Variants in ZNF676 observed in about 807,000 individuals in gnomAD.
ZNF676 encodes zinc finger protein 676.
Under a neutral mutation model 6.0 loss-of-function variants are expected in ZNF676, and 4 were observed. The ratio of observed to expected loss-of-function variants is 0.67; its 90% CI spans 0.33 to 1.53. The LOEUF is 1.53. Among genes scored for constraint, ZNF676 ranks in the 40% most tolerant of loss-of-function variants. The probability of loss-of-function intolerance (pLI) is 0.06; values close to 1 mark genes in which losing one functional copy is unlikely to be tolerated. For missense variants in ZNF676, 644 were observed against 679.7 expected (o/e 0.95, Z 0.58); for synonymous variants, 198 against 223.1 (o/e 0.89, Z 1.00).
chr19:22,194,556 G>A (rs189946934), intron 1 of ZNF676, among the ~76,000 whole-genome samples: 2 of 152,126 alleles, frequency 1.3e-5, no homozygotes, highest in Non-Finnish European at 2.9e-5. Context: ...AAAAAGGAAT[G>A]CCACCAGATC....
At chr19:22,232,565 TC>T in the ZNF676 span, among the ~76,000 whole-genome samples, 10 of 152,150 alleles carry the variant, frequency 6.6e-5, no homozygotes, top group South Asian at 1.5e-3. Context: ...TATAAAACAA[TC>T]ATTCCTAACA....
At chr19:22,234,217 T>G in the ZNF676 span, among the ~76,000 whole-genome samples, 1 of 152,212 alleles carries the variant, frequency 6.6e-6, no homozygotes, top group Non-Finnish European at 1.5e-5. Context: ...GGTGGTGCCT[T>G]CATATTATAC....
upstream of ZNF676, among the ~76,000 whole-genome samples, chr19:22,217,265 C>T (rs182527104): frequency 4.4e-4 from 67 of 152,188 alleles, 1 homozygote; most frequent in Admixed American, 1.0e-3. Context: ...TACAGTGGCG[C>T]GATCTCAGCT....
the ZNF676 span, among the ~76,000 whole-genome samples, chr19:22,225,844 T>C: frequency 2.6e-5 from 4 of 151,962 alleles, no homozygotes; most frequent in African/African-American, 7.2e-5. Context: ...GAATATTAAC[T>C]TCTATCACAT....
At chr19:22,258,834 T>C in the ZNF676 span, among the ~76,000 whole-genome samples, 1 of 151,986 alleles carries the variant, frequency 6.6e-6, no homozygotes, top group East Asian at 1.9e-4. Context: ...GGCAGGAGAG[T>C]CAAATCACTC....
chr19:22,250,917 G>A, the ZNF676 span, among the ~76,000 whole-genome samples: 1 of 152,202 alleles, frequency 6.6e-6, no homozygotes, highest in East Asian at 1.9e-4. Context: ...TCACCATGTT[G>A]AGCAGGCTGG....
the ZNF676 span, among the ~76,000 whole-genome samples, chr19:22,239,855 G>A: frequency 6.6e-6 from 1 of 152,136 alleles, no homozygotes; most frequent in African/African-American, 2.4e-5. Context: ...AGGCAGGTGA[G>A]GAGAGTCACA....
chr19:22,215,064 C>CAAAAAAAAAACAAAAA (rs60075524), intron 1 of ZNF676, among the ~76,000 whole-genome samples: 1 of 135,620 alleles, frequency 7.4e-6, no homozygotes, highest in Non-Finnish European at 1.6e-5. Flanking sequence ...AAAAAAACAA[C>CAAAAAAAAAACAAAAA]AAAAAACCAG....
chr19:22,199,902 T>C (rs935143170), upstream of ZNF676, among the ~76,000 whole-genome samples: 17 of 152,292 alleles, frequency 1.1e-4, no homozygotes, highest in African/African-American at 4.1e-4. Context: ...ATTTATCTGC[T>C]TTTAAGTCTC....
the ZNF676 span, among the ~76,000 whole-genome samples, chr19:22,258,840 C>T: frequency 6.6e-6 from 1 of 152,190 alleles, no homozygotes; most frequent in African/African-American, 2.4e-5. Flanking sequence ...AGAGTCAAAT[C>T]ACTCAAGTGC....
At chr19:22,210,020 G>C (rs572766525) in intron 1 of ZNF676, among the ~76,000 whole-genome samples, 1 of 152,254 alleles carries the variant, frequency 6.6e-6, no homozygotes, top group East Asian at 1.9e-4. Flanking sequence ...GGCAGCTGTG[G>C]CAAAAGGGGG....
At position 22,181,318 on chromosome 19, in the gene ZNF676, T is replaced by G; in HGVS notation, c.399A>C (p.Ile133=). 1 of 1,613,774 alleles carries G rather than the reference T, an allele frequency of 6.2e-7. No individual in the cohort carries two copies. The highest frequency in any genetic ancestry group is 8.5e-7 in the Non-Finnish European group (1 of 1,179,768). ...HKCSNSNRHK[I]RHTGEKGLKC... is the part of the protein sequence containing the mutation. ...TCAAACCTTTCTCTCCAGTATGCCT[T>G]ATCTTATGTCTGTTTGAATTTGAAC... Residue 133 remains isoleucine, a synonymous_variant, in exon 3 of 3, where the codon ATA becomes ATC. Coordinates refer to ENST00000397121, the MANE Select transcript of ZNF676 (RefSeq NM_001001411.3).
At chr19:22,245,828 C>T in the ZNF676 span, among the ~76,000 whole-genome samples, 1 of 152,116 alleles carries the variant, frequency 6.6e-6, no homozygotes, top group East Asian at 1.9e-4. Context: ...ATCCAGGGCT[C>T]AAGCAGGGAA....
the ZNF676 span, among the ~76,000 whole-genome samples, chr19:22,232,203 C>G: frequency 1.3e-5 from 2 of 151,798 alleles, no homozygotes; most frequent in Non-Finnish European, 2.9e-5. Flanking sequence ...GAGTCTCGCT[C>G]TGTCTCCAGG....
At chr19:22,191,496 G>A (rs1490549867) in intron 2 of ZNF676, among the ~76,000 whole-genome samples, 4 of 152,140 alleles carry the variant, frequency 2.6e-5, no homozygotes, top group African/African-American at 9.7e-5. Context: ...CCATGACTCA[G>A]TTCCAGCTTC....
intron 2 of ZNF676, among the ~76,000 whole-genome samples, chr19:22,182,457 A>G (rs2023768838): frequency 6.6e-6 from 1 of 151,856 alleles, no homozygotes; most frequent in Non-Finnish European, 1.5e-5. Flanking sequence ...ATAGCACTCA[A>G]TGAGTGAAGC....
intron 1 of ZNF676, among the ~76,000 whole-genome samples, chr19:22,206,529 G>A (rs1461838475): frequency 2.0e-5 from 3 of 152,054 alleles, no homozygotes; most frequent in Non-Finnish European, 4.4e-5. Context: ...GAAAAAATTA[G>A]CTGGGCATGG....
chr19:22,228,254 C>A, the ZNF676 span, among the ~76,000 whole-genome samples: 1 of 152,090 alleles, frequency 6.6e-6, no homozygotes, highest in Non-Finnish European at 1.5e-5. Flanking sequence ...TGACAAAAAC[C>A]ACGTGATTAT....
At chr19:22,234,984 G>A in the ZNF676 span, among the ~76,000 whole-genome samples, 407 of 94,324 alleles carry the variant, frequency 4.3e-3, 6 homozygotes, top group African/African-American at 0.017. Context: ...AAGAAAGAAA[G>A]AAAGAAAGAA....
Sources: allele counts gnomAD v4.1 joint callset (sites outside exome capture counted in the v4.1 genomes callset), GRCh38; gene constraint gnomAD v4.1.1; transcripts MANE v1.5; gene names NCBI Gene and HGNC (gene_info 2026-07-23, HGNC 2026-07-21).